Variants in ROBO2 observed in about 807,000 individuals in gnomAD.
ROBO2 encodes the protein roundabout homolog 2.
Under a neutral mutation model 160.8 loss-of-function variants are expected in ROBO2, and 53 were observed. The observed-to-expected ratio is 0.33, with a 90% confidence interval of 0.26 to 0.41. The LOEUF (loss-of-function observed/expected upper bound fraction) is 0.41. ROBO2 is among the 10% of genes least tolerant of loss of function. ROBO2 has a pLI of 1.00. For missense variants in ROBO2, 1,577 were observed against 1,722.4 expected, an observed-to-expected ratio of 0.92 and a Z score of 1.49; for synonymous variants, 664 against 611.7, an observed-to-expected ratio of 1.09 and a Z score of -1.26.
chr3:76,235,867 G>A (rs1430470418), intron 2 of ROBO2, among the ~76,000 whole-genome samples: 1 of 152,198 alleles, frequency 6.6e-6, no homozygotes, highest in East Asian at 1.9e-4. Context: ...AAGAGCCAGT[G>A]AGAGTTTCTT....
chr3:76,761,235 T>G (rs897821088), intron 2 of ROBO2, among the ~76,000 whole-genome samples: 2 of 151,784 alleles, frequency 1.3e-5, no homozygotes, highest in African/African-American at 4.8e-5. Context: ...ATACGATTAC[T>G]TTGAAATCAA....
At chr3:76,781,701 C>T (rs909536024) in intron 2 of ROBO2, among the ~76,000 whole-genome samples, 7 of 150,490 alleles carry the variant, frequency 4.7e-5, no homozygotes, top group Non-Finnish European at 6.0e-5. Flanking sequence ...TACTGATTTG[C>T]GTATGTTAAA....
chr3:77,453,520 C>G, intron 2 of ROBO2, among the ~76,000 whole-genome samples: 1 of 152,140 alleles, frequency 6.6e-6, no homozygotes, highest in Admixed American at 6.6e-5. Flanking sequence ...TGTAGATAAT[C>G]TACTCTGATT....
rs549931496 is a variant in ROBO2 at position 76,713,901 on chromosome 3, T to C, written c.110-384113T>C. On this transcript the variant is annotated intron_variant, in intron 2 of 26. Transcript: ENST00000487694. ...GGAAAAAAACATGCTGGACTGCATT[T>C]AATTGGATGAAATCAGGGTAGTTTC... 6.6e-5 allele frequency among the ~76,000 whole-genome samples: 10 copies of C among 152,150 alleles called. No homozygotes were observed. In the East Asian group the frequency reaches 1.9e-3, roughly 29 times the overall value.
At chr3:77,255,547 C>CTGGTTTCTG (rs1290782819) in intron 2 of ROBO2, among the ~76,000 whole-genome samples, 14 of 152,272 alleles carry the variant, frequency 9.2e-5, no homozygotes, top group African/African-American at 3.4e-4. Context: ...ACTTTCTGAA[C>CTGGTTTCTG]TCAGGAACCA....
chr3:76,365,645 C>T (rs1483049572), intron 2 of ROBO2, among the ~76,000 whole-genome samples: 6 of 152,004 alleles, frequency 3.9e-5, no homozygotes, highest in Admixed American at 3.9e-4. Context: ...TCATATTTGA[C>T]ATTAGGGCTT....
At chr3:77,163,406 G>C (rs1263761842) in intron 2 of ROBO2, among the ~76,000 whole-genome samples, 1 of 152,170 alleles carries the variant, frequency 6.6e-6, no homozygotes, top group Non-Finnish European at 1.5e-5. Flanking sequence ...TCTGATGGTA[G>C]TCCTGCTAAT....
At chr3:77,575,901 T>C (rs2093750595) in intron 14 of ROBO2, among the ~76,000 whole-genome samples, 1 of 152,068 alleles carries the variant, frequency 6.6e-6, no homozygotes, top group Non-Finnish European at 1.5e-5. Flanking sequence ...TTTGTCCCTG[T>C]TGGGTATACA....
intron 2 of ROBO2, among the ~76,000 whole-genome samples, chr3:76,106,150 T>C (rs1559556224): frequency 6.6e-6 from 1 of 152,090 alleles, no homozygotes; most frequent in Non-Finnish European, 1.5e-5. Flanking sequence ...TTCTTTTACA[T>C]AGAGTTGGAA....
chr3:77,419,074 G>A (rs1041436396), intron 2 of ROBO2, among the ~76,000 whole-genome samples: 1 of 152,032 alleles, frequency 6.6e-6, no homozygotes, highest in Non-Finnish European at 1.5e-5. Flanking sequence ...ACTGTCCCAG[G>A]CCTACTCTTG....
chr3:77,477,886 A>T (rs1394724250), intron 3 of ROBO2, among the ~76,000 whole-genome samples: 1 of 118,534 alleles, frequency 8.4e-6, no homozygotes, highest in Non-Finnish European at 1.6e-5. Context: ...CCCAGGCTGG[A>T]GTGCGATCCT....
At chr3:77,594,995 ACTCTC>A (rs1409226526) in intron 17 of ROBO2, 142 bp from the exon 19 acceptor site, 4 of 617,682 alleles carry the variant, frequency 6.5e-6, no homozygotes, top group Non-Finnish European at 1.1e-5. Context: ...ACTGCTTGTT[ACTCTC>A]TGTACAATGA....
At chr3:77,277,865 T>A (rs78145387) in intron 2 of ROBO2, among the ~76,000 whole-genome samples, 3,035 of 152,252 alleles carry the variant, frequency 0.02, 75 homozygotes, top group African/African-American at 0.07. Context: ...TGGTTCTAGA[T>A]CCCTGAGGAA....
intron 2 of ROBO2, among the ~76,000 whole-genome samples, chr3:76,239,840 T>A (rs945147543): frequency 6.6e-6 from 1 of 152,178 alleles, no homozygotes; most frequent in African/African-American, 2.4e-5. Flanking sequence ...GCCAGCTGAT[T>A]GGTCCAGAGA....
chr3:76,842,355 T>G (rs1392842002), intron 2 of ROBO2, among the ~76,000 whole-genome samples: 4 of 152,196 alleles, frequency 2.6e-5, no homozygotes, highest in Admixed American at 6.5e-5. Context: ...GTTGAATTTT[T>G]AAAACAAGTG....
intron 2 of ROBO2, among the ~76,000 whole-genome samples, chr3:76,040,919 G>C (rs1321523152): frequency 6.6e-6 from 1 of 151,938 alleles, no homozygotes; most frequent in Non-Finnish European, 1.5e-5. Flanking sequence ...GAACTGGGAG[G>C]GGGAGGTTGC....
exon 25 of ROBO2, chr3:77,644,841 A>G (rs1299971440): frequency 6.2e-7 from 1 of 1,614,176 alleles, no homozygotes. Flanking sequence ...GCGCAATGCC[A>G]GCGACCTTCT....
Position 76,184,583 on chromosome 3 carries a change from AGATAGATAGAT to A in ROBO2, c.109+246982_109+246992del, listed in dbSNP as rs374505106. On this transcript the variant is annotated intron_variant, in intron 2 of 26. Transcript: ENST00000487694. ...TAGATAGATAGATAGATAGATAGAT[AGATAGATAGAT>A]AAGAGGGGATTTATTAGGGGAATTG... is the stretch of plus-strand genomic sequence containing the variant. Among the ~76,000 whole-genome samples, 996 of 148,480 alleles carry A rather than the reference AGATAGATAGAT, an allele frequency of 6.7e-3. 9 individuals are homozygous for A. The highest frequency in any genetic ancestry group is 0.018 in the African/African-American group (740 of 40,786).
chr3:77,120,007 A>G (rs1305592466), intron 2 of ROBO2, among the ~76,000 whole-genome samples: 1 of 152,208 alleles, frequency 6.6e-6, no homozygotes, highest in African/African-American at 2.4e-5. Context: ...GACTGTTATG[A>G]TAGAATGTTT....
Sources: allele counts gnomAD v4.1 joint callset (sites outside exome capture counted in the v4.1 genomes callset), GRCh38; gene constraint gnomAD v4.1.1; transcripts MANE v1.5; gene names NCBI Gene and HGNC (gene_info 2026-07-23, HGNC 2026-07-21).